PHACTR3: variants seen among roughly 807,000 people sequenced by gnomAD.
PHACTR3 encodes the protein phosphatase and actin regulator 3, also known as protein phosphatase 1, regulatory subunit 123.
PHACTR3 carries 16 observed loss-of-function variants against 66.8 expected under a neutral mutation model. The ratio of observed to expected loss-of-function variants is 0.24; its 90% CI spans 0.16 to 0.36. The LOEUF (loss-of-function observed/expected upper bound fraction) is 0.36. Ranked by LOEUF, PHACTR3 falls within the 10% of genes least tolerant of loss-of-function variation. The probability of loss-of-function intolerance (pLI) is 1.00; values close to 1 mark genes in which losing one functional copy is unlikely to be tolerated. For synonymous variants in PHACTR3, 323 were observed against 292.1 expected (o/e 1.11, Z -1.08); for missense variants, 647 against 719.9 (o/e 0.90, Z 1.16).
chr20:59,809,578 T>C (rs1211874400), intron 8 of PHACTR3, among the ~76,000 whole-genome samples: 1 of 152,340 alleles, frequency 6.6e-6, no homozygotes, highest in East Asian at 1.9e-4. Context: ...CATTTTGAGT[T>C]ACATGATTCT....
intron 1 of PHACTR3, among the ~76,000 whole-genome samples, chr20:59,597,341 C>T (rs1351739178): frequency 6.6e-6 from 1 of 152,230 alleles, no homozygotes; most frequent in Non-Finnish European, 1.5e-5. Flanking sequence ...TCCTTTCATA[C>T]TTCCTCCTCC....
chr20:59,683,662 G>A (rs528766013), intron 1 of PHACTR3, among the ~76,000 whole-genome samples: 1 of 152,280 alleles, frequency 6.6e-6, no homozygotes, highest in African/African-American at 2.4e-5. Flanking sequence ...TTGAGCCAGA[G>A]GGTCTTATGT....
At chr20:59,648,044 G>A (rs1176784692) in intron 1 of PHACTR3, among the ~76,000 whole-genome samples, 2 of 152,206 alleles carry the variant, frequency 1.3e-5, no homozygotes, top group Non-Finnish European at 2.9e-5. Flanking sequence ...TGAAGATTCT[G>A]TAGTTGCATA....
intron 1 of PHACTR3, among the ~76,000 whole-genome samples, chr20:59,586,506 A>G (rs1196395755): frequency 6.6e-6 from 1 of 151,918 alleles, no homozygotes; most frequent in Non-Finnish European, 1.5e-5. Context: ...TCCATGACAA[A>G]TCATGATAAA....
At chr20:59,833,808 T>C (rs1474052517) in intron 8 of PHACTR3, among the ~76,000 whole-genome samples, 3 of 152,110 alleles carry the variant, frequency 2.0e-5, no homozygotes, top group African/African-American at 7.2e-5. Flanking sequence ...AGAGAAAGTA[T>C]GAAGATCCGT....
chr20:59,768,022 T>A (rs2146872086), intron 5 of PHACTR3, among the ~76,000 whole-genome samples: 1 of 152,304 alleles, frequency 6.6e-6, no homozygotes, highest in South Asian at 2.1e-4. Flanking sequence ...TTCCAGTGAG[T>A]TCTGTCCAGC....
At chr20:59,636,139 T>A (rs116609275) in intron 1 of PHACTR3, among the ~76,000 whole-genome samples, 1,903 of 152,294 alleles carry the variant, frequency 0.012, 39 homozygotes, top group African/African-American at 0.044. Context: ...TTTATTTTTT[T>A]AAAAAAGACA....
intron 5 of PHACTR3, 74 bp downstream of exon 5, chr20:59,767,469 A>T: frequency 6.9e-7 from 1 of 1,444,482 alleles, no homozygotes; most frequent in South Asian, 1.2e-5. Flanking sequence ...ACATTCATCC[A>T]CCCATCCATC....
Position 59,767,257 on chromosome 20 carries a change from T to C in PHACTR3, c.613T>C (p.Ser205Pro). 1.9e-6 allele frequency: 3 copies of C among 1,614,140 alleles called. No homozygotes were observed. Among genetic ancestry groups the C allele is most frequent in the Non-Finnish European group, 2.5e-6 (3 of 1,180,000 alleles). Residue 205 changes from serine (S) to proline (P), a missense_variant, in exon 5 of 13, where the codon TCC becomes CCC. This residue lies in a region of PHACTR3 where 577 missense variants were observed against 571.1 expected (regional missense o/e 1.01). Coordinates refer to ENST00000371015, the MANE Select transcript of PHACTR3 (RefSeq NM_080672.5). ...CCTCCTGCCCACCACCAATGAGCTCTCCCAAGCCTTAGCTGGGGCTGACTC... is the reference window on the plus strand; with the variant it reads ...CCTCCTGCCCACCACCAATGAGCTCCCCCAAGCCTTAGCTGGGGCTGACTC... The part of the protein sequence containing the change: ...GSLLPTTNEL[S>P]QALAGADSLD...
intron 1 of PHACTR3, among the ~76,000 whole-genome samples, chr20:59,656,554 T>A (rs540580193): frequency 6.6e-6 from 1 of 152,106 alleles, no homozygotes; most frequent in East Asian, 1.9e-4. Context: ...TTTTCTCTTG[T>A]AGCTAGCATA....
At chr20:59,605,868 G>A (rs1396218122) in intron 1 of PHACTR3, among the ~76,000 whole-genome samples, 3 of 132,208 alleles carry the variant, frequency 2.3e-5, no homozygotes, top group Non-Finnish European at 1.6e-5. Flanking sequence ...TGGGGGGGGG[G>A]GTGGGCTGTG....
chr20:59,804,785 T>C (rs990475369), intron 7 of PHACTR3, among the ~76,000 whole-genome samples: 2 of 152,228 alleles, frequency 1.3e-5, no homozygotes, highest in African/African-American at 4.8e-5. Flanking sequence ...CCACTTTTTG[T>C]ATCTTACTTT....
chr20:59,679,618 T>A lies in PHACTR3; in HGVS notation c.119-63489T>A, dbSNP rs143223729. Reference sequence around the variant, plus strand: ...TATTAGTCCATTTTTACACTGCTGATAAAGACGTACCCAAGACTGGGTAAT... The same window carrying A: ...TATTAGTCCATTTTTACACTGCTGAAAAAGACGTACCCAAGACTGGGTAAT... On this transcript the variant is annotated intron_variant, in intron 1 of 12. Transcript: ENST00000371015. Among the ~76,000 whole-genome samples the A allele has an allele frequency of 1.4e-4, 21 of 152,214 alleles. No individual in the cohort carries two copies. The South Asian group carries it at 1.5e-3, about 11-fold the overall frequency.
chr20:59,700,775 A>G (rs2037473733), intron 1 of PHACTR3, among the ~76,000 whole-genome samples: 1 of 151,056 alleles, frequency 6.6e-6, no homozygotes, highest in Non-Finnish European at 1.5e-5. Flanking sequence ...GTAGGTGCTT[A>G]CTTTTTTTGT....
chr20:59,602,877 G>A (rs548351823), upstream of PHACTR3, among the ~76,000 whole-genome samples: 35 of 152,322 alleles, frequency 2.3e-4, no homozygotes, highest in South Asian at 7.3e-3. Context: ...GACCCACTTG[G>A]AGAGACCCTG....
intron 1 of PHACTR3, among the ~76,000 whole-genome samples, chr20:59,644,651 C>A (rs2035221180): frequency 6.6e-6 from 1 of 152,150 alleles, no homozygotes; most frequent in Non-Finnish European, 1.5e-5. Context: ...GTGGCCAGAG[C>A]ACTTCCAGCA....
chr20:59,846,905 A>G (rs775743232), intron 12 of PHACTR3, among the ~76,000 whole-genome samples: 4 of 152,164 alleles, frequency 2.6e-5, no homozygotes, highest in Non-Finnish European at 5.9e-5. Flanking sequence ...AGATAGTCCT[A>G]AGAATTCAGC....
At chr20:59,691,479 A>AT (rs1022110330) in intron 1 of PHACTR3, among the ~76,000 whole-genome samples, 5 of 152,124 alleles carry the variant, frequency 3.3e-5, no homozygotes, top group African/African-American at 1.2e-4. Flanking sequence ...TTTTGTGTCT[A>AT]TTTTTGGACT....
intron 7 of PHACTR3, among the ~76,000 whole-genome samples, chr20:59,781,463 G>C (rs2040723909): frequency 6.6e-6 from 1 of 152,180 alleles, no homozygotes; most frequent in Non-Finnish European, 1.5e-5. Context: ...CTGCCTTTCG[G>C]TAGCTCACAG....
Sources: gnomAD v4.1 joint callset for allele counts (sites outside exome capture counted in the v4.1 genomes callset) on GRCh38, gnomAD v4.1.1 for gene constraint, gnomAD v4.1.1 regional missense constraint, MANE v1.5 for transcripts, NCBI Gene and HGNC (gene_info 2026-07-23, HGNC 2026-07-21) for gene names.